The following ARHGEF28 variants were observed in gnomAD, a reference collection of about 807,000 sequenced individuals.
The protein encoded by ARHGEF28 is Rho guanine nucleotide exchange factor 28, also known as 190 kDa guanine nucleotide exchange factor.
In ARHGEF28, 152 loss-of-function variants were observed where a neutral mutation model predicts 206.6. The observed-to-expected ratio is 0.74, with a 90% CI of 0.64 to 0.84. The LOEUF (loss-of-function observed/expected upper bound fraction) is 0.84, where lower values mean the gene tolerates loss of function less well. Ranked by LOEUF, ARHGEF28 falls within the 40% of genes least tolerant of loss-of-function variation. The probability of loss-of-function intolerance (pLI) is 0.00; values close to 1 mark genes in which losing one functional copy is unlikely to be tolerated. For synonymous variants in ARHGEF28, 763 were observed against 776.4 expected (o/e 0.98, Z 0.29); for missense variants, 2,028 against 2,073.2 (o/e 0.98, Z 0.42).
intron 35 of ARHGEF28, among the ~76,000 whole-genome samples, chr5:73,937,219 G>GT (rs1239117821): frequency 6.6e-6 from 1 of 152,204 alleles, no homozygotes; most frequent in Non-Finnish European, 1.5e-5. Flanking sequence ...CAGCCAAAAT[G>GT]TGGATACCTG....
chr5:73,882,652 G>T, intron 23 of ARHGEF28, 58 bp downstream of exon 23: 1 of 1,367,550 alleles, frequency 7.3e-7, no homozygotes, highest in Non-Finnish European at 9.7e-7. Context: ...AATAGTTTAT[G>T]CTTGTTTCTT....
At chr5:73,666,000 A>G (rs1323081895) in intron 1 of ARHGEF28, among the ~76,000 whole-genome samples, 2 of 152,212 alleles carry the variant, frequency 1.3e-5, no homozygotes, top group African/African-American at 2.4e-5. Context: ...GAAATGGGGA[A>G]GATTCAAGGC....
At chr5:73,883,203 G>T (rs1324880047) in intron 23 of ARHGEF28, among the ~76,000 whole-genome samples, 2 of 151,938 alleles carry the variant, frequency 1.3e-5, no homozygotes, top group Non-Finnish European at 2.9e-5. Context: ...GAAGAAATTT[G>T]TCTTATAAAG....
chr5:73,751,642 G>T lies in ARHGEF28; in HGVS notation c.182-1267G>T, dbSNP rs183911960. Among the ~76,000 whole-genome samples, 75 of 152,094 alleles carry T rather than the reference G, an allele frequency of 4.9e-4. No individual in the cohort carries two copies. In the East Asian group the frequency reaches 0.01, roughly 21 times the overall value. ...TTATCTTTTTCTTTACTTGCATGTGGTGGCGACTCTCCTCCTCCTTCCTTA... is the reference window on the plus strand; with the variant it reads ...TTATCTTTTTCTTTACTTGCATGTGTTGGCGACTCTCCTCCTCCTTCCTTA... On this transcript the variant is annotated intron_variant, in intron 3 of 35. Coordinates refer to ENST00000513042, the MANE Select transcript of ARHGEF28 (RefSeq NM_001177693.2).
chr5:73,771,216 C>T (rs760542249), intron 4 of ARHGEF28, among the ~76,000 whole-genome samples: 9 of 152,144 alleles, frequency 5.9e-5, no homozygotes, highest in Non-Finnish European at 8.8e-5. Context: ...TGGAATATTT[C>T]TCACTATATT....
chr5:73,657,113 C>T (rs1244341281), intron 1 of ARHGEF28, among the ~76,000 whole-genome samples: 2 of 142,044 alleles, frequency 1.4e-5, no homozygotes, highest in African/African-American at 2.6e-5. Flanking sequence ...GCAGAGTTTG[C>T]AGTGAGCCGA....
intron 9 of ARHGEF28, among the ~76,000 whole-genome samples, chr5:73,819,608 T>C (rs1425214501): frequency 2.6e-5 from 4 of 152,170 alleles, no homozygotes; most frequent in Non-Finnish European, 5.9e-5. Flanking sequence ...AACCAGCCTG[T>C]AGTAGGAGGA....
chr5:73,773,744 TC>T lies in ARHGEF28; in HGVS notation c.476-109del, dbSNP rs1306253666. On this transcript the variant is annotated intron_variant, in intron 4 of 35. Transcript: ENST00000513042. Reference sequence around the variant, plus strand: ...TGATTGGGTGCCATTGTTAATTTCTTCCAACTCTGACATTCTTATTATGTCT... The same window carrying T: ...TGATTGGGTGCCATTGTTAATTTCTTCAACTCTGACATTCTTATTATGTCT... 2.7e-6 allele frequency: 3 copies of T among 1,113,544 alleles called. No homozygotes were observed. The East Asian group carries it at 8.0e-5, about 30-fold the overall frequency. The allele number at this position is 1,113,544 out of a possible 1,614,324, so 69.0% of individuals were successfully genotyped here. A position where few individuals can be genotyped will look rare whatever the true frequency, so the allele number is the denominator to read the frequency against.
intron 4 of ARHGEF28, among the ~76,000 whole-genome samples, chr5:73,766,149 A>G (rs1038820494): frequency 6.9e-6 from 1 of 144,116 alleles, no homozygotes; most frequent in Admixed American, 6.7e-5. Flanking sequence ...GCAGGACTCC[A>G]TCTCAAAAAA....
intron 2 of ARHGEF28, among the ~76,000 whole-genome samples, chr5:73,729,531 C>G (rs1750481743): frequency 6.6e-6 from 1 of 152,150 alleles, no homozygotes; most frequent in Non-Finnish European, 1.5e-5. Context: ...AATTCTCATT[C>G]TTTAGATTTT....
intron 2 of ARHGEF28, among the ~76,000 whole-genome samples, chr5:73,743,750 A>G (rs1253366734): frequency 6.6e-6 from 1 of 152,158 alleles, no homozygotes; most frequent in African/African-American, 2.4e-5. Flanking sequence ...TCCCCAAATA[A>G]ATGCCCCAAA....
At chr5:73,795,498 CT>C in intron 9 of ARHGEF28, 107 bp downstream of exon 9, 1 of 987,528 alleles carries the variant, frequency 1.0e-6, no homozygotes, top group Non-Finnish European at 1.6e-6. Flanking sequence ...TCCTGGTAAC[CT>C]TATCTATTTC....
chr5:73,786,751 C>A (rs911448138), intron 7 of ARHGEF28, among the ~76,000 whole-genome samples: 4 of 152,116 alleles, frequency 2.6e-5, no homozygotes, highest in Admixed American at 6.5e-5. Context: ...GATAAAGCAC[C>A]TTGCCCAGTA....
At chr5:73,876,993 A>G (rs1760543612) in intron 22 of ARHGEF28, among the ~76,000 whole-genome samples, 1 of 143,642 alleles carries the variant, frequency 7.0e-6, no homozygotes, top group South Asian at 2.3e-4. Flanking sequence ...TTCAGAAGGA[A>G]TGGTACCAGT....
intron 9 of ARHGEF28, among the ~76,000 whole-genome samples, chr5:73,829,729 G>T (rs1343711847): frequency 6.6e-6 from 1 of 151,756 alleles, no homozygotes; most frequent in Non-Finnish European, 1.5e-5. Flanking sequence ...TGTACAGTGG[G>T]GATAAGATTT....
chr5:73,778,563 C>T (rs116719127), intron 6 of ARHGEF28, among the ~76,000 whole-genome samples: 1,960 of 152,234 alleles, frequency 0.013, 54 homozygotes, highest in African/African-American at 0.044. Context: ...CCACATCCCT[C>T]TTTTTCCTTC....
intron 7 of ARHGEF28, among the ~76,000 whole-genome samples, chr5:73,787,107 C>G (rs1754208691): frequency 6.6e-6 from 1 of 152,106 alleles, no homozygotes; most frequent in South Asian, 2.1e-4. Flanking sequence ...AGCTCAAGGG[C>G]TTTTTAGGAG....
At chr5:73,850,381 G>A (rs1758629500) in intron 13 of ARHGEF28, among the ~76,000 whole-genome samples, 1 of 152,122 alleles carries the variant, frequency 6.6e-6, no homozygotes, top group Non-Finnish European at 1.5e-5. Context: ...CAACTACCTT[G>A]AGAGGGCAGG....
intron 10 of ARHGEF28, among the ~76,000 whole-genome samples, chr5:73,839,321 C>T (rs907483443): frequency 6.6e-6 from 1 of 152,132 alleles, no homozygotes; most frequent in Non-Finnish European, 1.5e-5. Flanking sequence ...TAGACTTTCA[C>T]CCATTAATTA....
Sources: gnomAD v4.1 joint callset for allele counts (sites outside exome capture counted in the v4.1 genomes callset) on GRCh38, gnomAD v4.1.1 for gene constraint, MANE v1.5 for transcripts, NCBI Gene and HGNC (gene_info 2026-07-23, HGNC 2026-07-21) for gene names.